AP5Z1: variants seen among roughly 807,000 people sequenced by gnomAD.
AP5Z1 encodes the protein AP-5 complex subunit zeta-1.
Under a neutral mutation model 83.0 loss-of-function variants are expected in AP5Z1, and 106 were observed. The observed-to-expected ratio is 1.28, with a 90% CI of 1.09 to 1.50. The LOEUF (loss-of-function observed/expected upper bound fraction) is 1.50. AP5Z1 is among the 40% of genes most tolerant of loss of function. The probability of loss-of-function intolerance (pLI) is 0.00; values close to 1 mark genes in which losing one functional copy is unlikely to be tolerated. For missense variants in AP5Z1, 1,565 were observed against 1,094.2 expected (o/e 1.43, Z -6.07); for synonymous variants, 751 against 514.1 (o/e 1.46, Z -6.23).
intron 10 of AP5Z1, 104 bp downstream of exon 10, chr7:4,786,532 A>G: frequency 1.5e-6 from 2 of 1,321,814 alleles, no homozygotes; most frequent in Admixed American, 2.0e-5. Flanking sequence ...CTGAGCATAG[A>G]GCCCTGTGAG....
chr7:4,785,755 C>A, intron 9 of AP5Z1, 71 bp downstream of exon 9: 395 of 1,150,868 alleles, frequency 3.4e-4, no homozygotes, highest in Non-Finnish European at 4.2e-4. Flanking sequence ...GGAATTTCTT[C>A]TTCCCTTTTT....
At position 4,789,914 on chromosome 7, in the gene AP5Z1, C is replaced by G; in HGVS notation, c.1790C>G (p.Ala597Gly). 6.5e-7 allele frequency: 1 copy of G among 1,547,462 alleles called. No individual in the cohort carries two copies. Among genetic ancestry groups the G allele is most frequent in the Non-Finnish European group, 8.7e-7 (1 of 1,145,556 alleles). Reference protein sequence around the residue: ...SDSLYPAPGYAAGVHSVLSSQ... With the variant: ...SDSLYPAPGYGAGVHSVLSSQ... The stretch of plus-strand genomic sequence containing the variant: ...TCGCTCTACCCGGCCCCAGGGTACG[C>G]TGCCGGTGTGCACAGGTAGGTCCCT... Residue 597 changes from alanine (A) to glycine (G), a missense_variant, in exon 14 of 17, where the codon GCT becomes GGT. Transcript: ENST00000649063.
In AP5Z1 at chr7:4,793,106, G is replaced by C. The variant is rs1316314236; in HGVS notation, c.*1721G>C. On this transcript the variant is annotated 3_prime_UTR_variant, in exon 17 of 17. Transcript: ENST00000649063. ...GCGCCCGGCTTAGGACTGGGAGTGT[G>C]ACTTGAAGGGCCGTCCCGCTCATCC... 6.6e-6 allele frequency: 1 copy of C among 152,350 alleles called. No homozygotes were observed. Among genetic ancestry groups the C allele is most frequent in the Non-Finnish European group, 1.5e-5 (1 of 68,108 alleles). The allele number at this position is 152,350 out of a possible 1,614,324, so 9.4% of individuals were successfully genotyped here. A position where few individuals can be genotyped will look rare whatever the true frequency, so the allele number is the denominator to read the frequency against.
At chr7:4,789,992 T>TTC in intron 14 of AP5Z1, 63 bp downstream of exon 14, 2 of 516,478 alleles carry the variant, frequency 3.9e-6, no homozygotes, top group Admixed American at 7.0e-5. Context: ...CCTCCCCCTC[T>TTC]CCCCTCCCCC....
At position 4,784,483 on chromosome 7, in the gene AP5Z1, A is replaced by C. The variant is rs1781477670; in HGVS notation, c.790+112A>C. The C allele has an allele frequency of 3.0e-6, 4 of 1,315,412 alleles. No individual in the cohort carries two copies. In the African/African-American group the frequency reaches 4.4e-5, roughly 14 times the overall value. 81.5% of individuals were successfully genotyped at this position (1,315,412 alleles called of 1,614,324 possible). A position where few individuals can be genotyped will look rare whatever the true frequency, so the allele number is the denominator to read the frequency against. On this transcript the variant is annotated intron_variant, in intron 6 of 16. Coordinates refer to ENST00000649063, the MANE Select transcript of AP5Z1 (RefSeq NM_014855.3). ...GGGGACTCGGGTGTGCCCAGGATGCAGCAGAGGTCAGGACTGAGCAACGCA... is the reference window on the plus strand; with the variant it reads ...GGGGACTCGGGTGTGCCCAGGATGCCGCAGAGGTCAGGACTGAGCAACGCA...
intron 6 of AP5Z1, 92 bp downstream of exon 6, chr7:4,784,463 C>A: frequency 7.0e-7 from 1 of 1,421,666 alleles, no homozygotes; most frequent in Non-Finnish European, 9.4e-7. Context: ...GGTGGGGGGA[C>A]TCGGGTGTGC....
Position 4,788,253 on chromosome 7 carries a change from C to G in AP5Z1, c.1554C>G (p.Phe518Leu), listed in dbSNP as rs77560694. ...GGGACCCGCAGTTCCAGGGTCTTTT[C>G]CAATACCTGCTGCGCCCCAAGGCCA... ...AFRDPQFQGL[F>L]QYLLRPKASG... Residue 518 changes from phenylalanine (F) to leucine (L), a missense_variant, in exon 12 of 17, where the codon TTC becomes TTG. Physicochemically the swap from Phe to Leu is conservative, Grantham distance 22. Transcript: ENST00000649063. 2 of 1,588,432 alleles carry G rather than the reference C, an allele frequency of 1.3e-6. No individual in the cohort carries two copies. The highest frequency in any genetic ancestry group is 1.3e-5 in the African/African-American group (1 of 74,418).
chr7:4,776,826 CAGG>C lies in AP5Z1; in HGVS notation c.41+1073_41+1075del, dbSNP rs1418617432. Among the ~76,000 whole-genome samples the C allele has an allele frequency of 6.6e-5, 10 of 152,254 alleles. No homozygotes were observed. The East Asian group carries it at 1.2e-3, about 18-fold the overall frequency. ...AACTTGGTGAGGTGAGAGGCCGAAG[CAGG>C]AGAAGTGCATGAACCCAGGAGGCCG... is the stretch of plus-strand genomic sequence containing the variant. On this transcript the variant is annotated intron_variant, in intron 1 of 16. Transcript: ENST00000649063.
Position 4,781,604 on chromosome 7 carries a change from C to G in AP5Z1, c.216C>G (p.Thr72=). ...CATGCGTAGACCTGCTGCAGGCCAC[C>G]CTCGGCCTGCCTGCATGCCCCGAGC... ...EKTCVDLLQA[T]LGLPACPEQL... The change falls in exon 3 of 17, where the codon ACC becomes ACG. Residue 72 remains threonine (T), a synonymous_variant. Coordinates refer to ENST00000649063, the MANE Select transcript of AP5Z1 (RefSeq NM_014855.3). 6.2e-7 allele frequency: 1 copy of G among 1,609,952 alleles called. No individual in the cohort carries two copies. Among genetic ancestry groups the G allele is most frequent in the East Asian group, 2.2e-5 (1 of 44,760 alleles).
intron 3 of AP5Z1, among the ~76,000 whole-genome samples, chr7:4,782,669 G>C (rs573691834): frequency 1.3e-5 from 2 of 152,128 alleles, no homozygotes; most frequent in Non-Finnish European, 2.9e-5. Flanking sequence ...CCTCCTGCAG[G>C]CCACCTCCAG....
rs1416481942 is a variant in AP5Z1 at position 4,784,353 on chromosome 7, C to T, written c.772C>T (p.Pro258Ser). 19 of 1,597,642 alleles carry T rather than the reference C, an allele frequency of 1.2e-5. No homozygotes were observed. The highest frequency in any genetic ancestry group is 1.7e-4 in the Middle Eastern group (1 of 6,048). ...GCTGCTGCACAGCGGCCCCGAGGGCCCGGGCACCCTGGACACAGGTGTGCG... is the reference window on the plus strand; with the variant it reads ...GCTGCTGCACAGCGGCCCCGAGGGCTCGGGCACCCTGGACACAGGTGTGCG... ...AWLLHSGPEG[P>S]GTLDTDDRSE... Residue 258 changes from proline to serine, a missense_variant, in exon 6 of 17, where the codon CCG becomes TCG. Physicochemically the swap from Pro to Ser is moderately conservative, Grantham distance 74 (BLOSUM62 -1). Transcript: ENST00000649063.
At position 4,785,452 on chromosome 7, in the gene AP5Z1, T is replaced by TGTAA. The variant is rs748280348; in HGVS notation, c.969+3_969+6dup. ...AGGGGGACTCCGACCTGCAGAAAGC[T>TGTAA]GTAAGTGGCTGGGGACCAGGGGATG... is the stretch of plus-strand genomic sequence containing the variant. On this transcript the variant is annotated frameshift_variant and splice_region_variant. Transcript: ENST00000649063. LOFTEE classifies it high-confidence loss of function. The TGTAA allele has an allele frequency of 9.7e-5, 156 of 1,613,472 alleles. No individual in the cohort carries two copies. The East Asian group carries it at 1.7e-3, about 18-fold the overall frequency.
rs1248222582 is a variant in AP5Z1, at chr7:4,790,856, C to A, written c.2122C>A (p.Leu708Met). ...VTVLMTTLTK[L>M]ASRSQDLIPR... ...CGTGCTGATGACCACGCTGACGAAG[C>A]TGGCCTCCCGGAGCCAAGATCTGAT... is the stretch of plus-strand genomic sequence containing the variant. The change falls in exon 16 of 17, where the codon CTG becomes ATG. Residue 708 changes from leucine (L) to methionine (M), a missense_variant. By Grantham distance (15) the Leu-to-Met change is conservative. Transcript: ENST00000649063. 1 of 1,607,518 alleles carries A rather than the reference C, an allele frequency of 6.2e-7. No homozygotes were observed. The highest frequency in any genetic ancestry group is 1.1e-5 in the South Asian group (1 of 89,658).
At position 4,784,212 on chromosome 7, in the gene AP5Z1, G is replaced by A. The variant is rs771385792; in HGVS notation, c.631G>A (p.Val211Ile). 73 of 1,284,620 alleles carry A rather than the reference G, an allele frequency of 5.7e-5. No homozygotes were observed. Among genetic ancestry groups the A allele is most frequent in the Middle Eastern group, 2.6e-4 (1 of 3,914 alleles). 79.6% of individuals were successfully genotyped at this position (1,284,620 alleles called of 1,614,324 possible). A position where few individuals can be genotyped will look rare whatever the true frequency, so the allele number is the denominator to read the frequency against. Residue 211 changes from valine to isoleucine, a missense_variant, in exon 6 of 17, where the codon GTC becomes ATC. Coordinates refer to ENST00000649063, the MANE Select transcript of AP5Z1 (RefSeq NM_014855.3). Reference protein sequence around the residue: ...STPRARQPGPVTEVDGAVATD... With the variant: ...STPRARQPGPITEVDGAVATD... ...CCTGTCCTTCCCACAGCCGGGCCCC[G>A]TCACCGAGGTGGACGGGGCGGTAGC...
In AP5Z1 at chr7:4,786,448, G is replaced by T. The variant is rs755680426; in HGVS notation, c.1311+20G>T. ...TTTAAGGTATATTTGGGCATCCCTG[G>T]GTGCCAGGGCAGGGGCATGGTAAGT... On this transcript the variant is annotated intron_variant, in intron 10 of 16. Coordinates refer to ENST00000649063, the MANE Select transcript of AP5Z1 (RefSeq NM_014855.3). The T allele has an allele frequency of 1.9e-6, 3 of 1,611,766 alleles. No individual in the cohort carries two copies. In the African/African-American group the frequency reaches 4.1e-5, roughly 22 times the overall value.
At chr7:4,788,106 A>C in intron 11 of AP5Z1, 48 bp from the exon 12 acceptor site, 2 of 1,471,622 alleles carry the variant, frequency 1.4e-6, no homozygotes, top group Non-Finnish European at 1.8e-6. Flanking sequence ...GGTGCCCTTG[A>C]GTGCAGGGGC....
chr7:4,775,867 T>C, intron 1 of AP5Z1, 111 bp downstream of exon 1: 1 of 1,441,246 alleles, frequency 6.9e-7, no homozygotes, highest in Non-Finnish European at 9.3e-7. Context: ...GGAACCCGAC[T>C]GGACTCGCCC....
intron 2 of AP5Z1, 114 bp downstream of exon 2, chr7:4,781,426 T>A: frequency 6.4e-7 from 1 of 1,559,262 alleles, no homozygotes; most frequent in Non-Finnish European, 8.7e-7. Context: ...TTTGTCCACT[T>A]AAACCAGTGC....
chr7:4,783,370 G>A lies in AP5Z1; in HGVS notation c.421G>A (p.Glu141Lys), dbSNP rs2115106445. The stretch of plus-strand genomic sequence containing the variant: ...GGGCCAGGGCGTGCTACGAGCGCTG[G>A]AGAGCCGGCAGCCTGAGGGACCCAG... ...AVGQGVLRAL[E>K]SRQPEGPSLR... Residue 141 changes from glutamate to lysine, a missense_variant, in exon 4 of 17, where the codon GAG (glutamate) becomes AAG (lysine). Coordinates refer to ENST00000649063, the MANE Select transcript of AP5Z1 (RefSeq NM_014855.3). The A allele has an allele frequency of 6.2e-7, 1 of 1,613,140 alleles. No homozygotes were observed. The highest frequency in any genetic ancestry group is 8.5e-7 in the Non-Finnish European group (1 of 1,179,800).
Sources: gnomAD v4.1 joint callset for allele counts (sites outside exome capture counted in the v4.1 genomes callset) on GRCh38, gnomAD v4.1.1 for gene constraint, MANE v1.5 for transcripts, NCBI Gene and HGNC (gene_info 2026-07-23, HGNC 2026-07-21) for gene names.